The following CYB5D1 variants were observed in gnomAD, a reference collection of about 807,000 sequenced individuals.
CYB5D1 encodes the protein cytochrome b5 domain-containing protein 1.
CYB5D1 carries 30 observed loss-of-function variants against 24.3 expected under a neutral mutation model. That is an observed-to-expected ratio of 1.23 (90% CI 0.92 to 1.67). CYB5D1 has a LOEUF of 1.67. Ranked by LOEUF, CYB5D1 falls within the 40% of genes most tolerant of loss-of-function variation. CYB5D1 has a pLI of 0.00. For synonymous variants in CYB5D1, 128 were observed against 123.2 expected, an observed-to-expected ratio of 1.04 and a Z score of -0.26; for missense variants, 265 against 296.7, an observed-to-expected ratio of 0.89 and a Z score of 0.79.
chr17:7,859,419 G>A lies in CYB5D1; in HGVS notation c.494G>A (p.Arg165His), dbSNP rs755083528. The A allele has an allele frequency of 8.1e-6, 13 of 1,614,096 alleles. No homozygotes were observed. Among genetic ancestry groups the A allele is most frequent in the African/African-American group, 2.7e-5 (2 of 74,996 alleles). ...GAGTCCATATGGGAAATCCTACACCGCTATCTCCCCTATAACTCACATGCT... is the reference window on the plus strand; with the variant it reads ...GAGTCCATATGGGAAATCCTACACCACTATCTCCCCTATAACTCACATGCT... ...VLESIWEILH[R>H]YLPYNSHAAS... Residue 165 changes from arginine to histidine, a missense_variant, in exon 4 of 4, where the codon CGC becomes CAC. Arg to His is a conservative substitution (Grantham distance 29). Coordinates refer to ENST00000332439, the MANE Select transcript of CYB5D1 (RefSeq NM_144607.6).
chr17:7,858,415 T>C lies in CYB5D1; in HGVS notation c.173T>C (p.Leu58Pro). ...LAQEYKGNLL[L>P]KPIVEVAGQD... is the part of the protein sequence containing the mutation. ...TGCTCTTTTCAAGGGAACCTGCTGC[T>C]GAAACCCATCGTGGAAGTTGCAGGC... Residue 58 changes from leucine to proline, a missense_variant, in exon 2 of 4, where the codon CTG (leucine) becomes CCG (proline). Physicochemically the swap from Leu to Pro is moderately conservative, Grantham distance 98 (BLOSUM62 -3). Transcript: ENST00000332439. 1 of 1,614,174 alleles carries C rather than the reference T, an allele frequency of 6.2e-7. No individual in the cohort carries two copies. Among genetic ancestry groups the C allele is most frequent in the Non-Finnish European group, 8.5e-7 (1 of 1,180,040 alleles).
Position 7,859,660 on chromosome 17 carries a change from G to C in CYB5D1, c.*48G>C. 2 of 1,584,030 alleles carry C rather than the reference G, an allele frequency of 1.3e-6. No individual in the cohort carries two copies. Among genetic ancestry groups the C allele is most frequent in the Non-Finnish European group, 1.7e-6 (2 of 1,154,584 alleles). On this transcript the variant is annotated 3_prime_UTR_variant, in exon 4 of 4. Coordinates refer to ENST00000332439, the MANE Select transcript of CYB5D1 (RefSeq NM_144607.6). Reference sequence around the variant, plus strand: ...AGACTCAAGACGTATTTCGAGTTTGGCTTTTTCTGTGCCTTGAGGAAAAGT... The same window carrying C: ...AGACTCAAGACGTATTTCGAGTTTGCCTTTTTCTGTGCCTTGAGGAAAAGT...
In CYB5D1 at chr17:7,858,413, G is replaced by A. The variant is rs1280214539; in HGVS notation, c.171G>A (p.Leu57=). The A allele has an allele frequency of 1.2e-6, 2 of 1,614,166 alleles. No homozygotes were observed. Among genetic ancestry groups the A allele is most frequent in the Admixed American group, 3.3e-5 (2 of 60,030 alleles). The stretch of plus-strand genomic sequence containing the variant: ...GCTGCTCTTTTCAAGGGAACCTGCT[G>A]CTGAAACCCATCGTGGAAGTTGCAG... ...SLAQEYKGNL[L]LKPIVEVAGQ... The change falls in exon 2 of 4, where the codon CTG becomes CTA. Residue 57 remains leucine (L), a synonymous_variant. Coordinates refer to ENST00000332439, the MANE Select transcript of CYB5D1 (RefSeq NM_144607.6).
chr17:7,858,977 T>A (rs973170029), intron 3 of CYB5D1, 153 bp downstream of exon 3: 2 of 679,212 alleles, frequency 2.9e-6, no homozygotes, highest in Non-Finnish European at 4.7e-6. Context: ...AGCACCTAGG[T>A]CCCCAGGGTT....
Position 7,861,508 on chromosome 17 carries a change from C to T in CYB5D1, c.*1896C>T, listed in dbSNP as rs2078882953. 1 of 152,192 alleles carries T rather than the reference C, an allele frequency of 6.6e-6. No individual in the cohort carries two copies. Among genetic ancestry groups the T allele is most frequent in the Non-Finnish European group, 1.5e-5 (1 of 68,032 alleles). 9.4% of individuals were successfully genotyped at this position (152,192 alleles called of 1,614,324 possible). On this transcript the variant is annotated 3_prime_UTR_variant, in exon 4 of 4. Transcript: ENST00000332439. Reference sequence around the variant, plus strand: ...ATTTGAGAATGAAAGCTATGCTGTTCCTCTAGTGCAAGCCTCAGGGCCTGT... The same window carrying T: ...ATTTGAGAATGAAAGCTATGCTGTTTCTCTAGTGCAAGCCTCAGGGCCTGT...
intron 3 of CYB5D1, chr17:7,859,026 G>C: frequency 1.8e-6 from 1 of 570,202 alleles, no homozygotes; most frequent in Non-Finnish European, 3.1e-6. Flanking sequence ...GGGGACAAGA[G>C]ACTCCTTTAT....
Position 7,859,669 on chromosome 17 carries a change from G to C in CYB5D1, c.*57G>C, listed in dbSNP as rs1466397580. 3.2e-6 allele frequency: 5 copies of C among 1,545,600 alleles called. No individual in the cohort carries two copies. In the African/African-American group the frequency reaches 6.8e-5, roughly 21 times the overall value. On this transcript the variant is annotated 3_prime_UTR_variant, in exon 4 of 4. Coordinates refer to ENST00000332439, the MANE Select transcript of CYB5D1 (RefSeq NM_144607.6). The stretch of plus-strand genomic sequence containing the variant: ...ACGTATTTCGAGTTTGGCTTTTTCT[G>C]TGCCTTGAGGAAAAGTGGTGGGGCC...
At chr17:7,858,878 C>A in intron 3 of CYB5D1, 54 bp downstream of exon 3, 1 of 1,449,238 alleles carries the variant, frequency 6.9e-7, no homozygotes, top group Non-Finnish European at 9.2e-7. Context: ...CCCAGCAAAT[C>A]TCCAGGCCGA....
At position 7,859,417 on chromosome 17, in the gene CYB5D1, C is replaced by A; in HGVS notation, c.492C>A (p.His164Gln). The change falls in exon 4 of 4, where the codon CAC (histidine) becomes CAA (glutamine). Residue 164 changes from histidine (H) to glutamine (Q), a missense_variant. Transcript: ENST00000332439. The stretch of plus-strand genomic sequence containing the variant: ...TGGAGTCCATATGGGAAATCCTACA[C>A]CGCTATCTCCCCTATAACTCACATG... ...GVLESIWEIL[H>Q]RYLPYNSHAA... is the part of the protein sequence containing the mutation. The A allele has an allele frequency of 5.0e-6, 8 of 1,614,068 alleles. No individual in the cohort carries two copies. Among genetic ancestry groups the A allele is most frequent in the South Asian group, 1.1e-5 (1 of 91,072 alleles).
intron 3 of CYB5D1, chr17:7,859,118 C>T (rs1362795572): frequency 1.7e-6 from 1 of 573,776 alleles, no homozygotes; most frequent in Non-Finnish European, 3.1e-6. Context: ...AGCAATTGGA[C>T]TTTCTTTTTA....
chr17:7,859,196 T>C (rs1052860352), intron 3 of CYB5D1, 186 bp from the exon 4 acceptor site: 3 of 608,218 alleles, frequency 4.9e-6, no homozygotes, highest in Non-Finnish European at 8.7e-6. Context: ...TAGTTAGAAG[T>C]GGCTGCCATT....
rs1313370198 is a variant in CYB5D1, at chr17:7,858,101, A to T, written c.-34A>T. 1.2e-6 allele frequency: 2 copies of T among 1,611,460 alleles called. No individual in the cohort carries two copies. The highest frequency in any genetic ancestry group is 1.7e-6 in the Non-Finnish European group (2 of 1,179,584). Reference sequence around the variant, plus strand: ...GTACGTGCTGAGGAGCAAAGGAGTAACCAAGAGATCCAGTGACCGACAGAG... The same window carrying T: ...GTACGTGCTGAGGAGCAAAGGAGTATCCAAGAGATCCAGTGACCGACAGAG... On this transcript the variant is annotated 5_prime_UTR_variant, in exon 1 of 4. Coordinates refer to ENST00000332439, the MANE Select transcript of CYB5D1 (RefSeq NM_144607.6).
intron 3 of CYB5D1, 137 bp downstream of exon 3, chr17:7,858,961 A>G (rs948413889): frequency 3.3e-5 from 26 of 785,216 alleles, no homozygotes; most frequent in Admixed American, 2.6e-4. Context: ...CAACTGAGGA[A>G]AGCACAGCAC....
intron 3 of CYB5D1, 157 bp from the exon 4 acceptor site, chr17:7,859,224 AG>A: frequency 3.2e-6 from 2 of 630,096 alleles, no homozygotes; most frequent in South Asian, 3.9e-5. Flanking sequence ...GTAGGACTTT[AG>A]GGTCTGCTCA....
rs373359113 is a variant in CYB5D1, at chr17:7,858,674, C to G, written c.306C>G (p.His102Gln). ...GCACCCCGCGGGGCCGCTTTGTGCA[C>G]GTTCCGCCTCAGCTGCCCTGTTCGG... ...RYCTPRGRFV[H>Q]VPPQLPCSDW... The change falls in exon 3 of 4, where the codon CAC becomes CAG. Residue 102 changes from histidine to glutamine, a missense_variant. Transcript: ENST00000332439. 5.0e-6 allele frequency: 8 copies of G among 1,610,858 alleles called. No homozygotes were observed. In the Admixed American group the frequency reaches 5.0e-5, roughly 10 times the overall value.
intron 3 of CYB5D1, 140 bp downstream of exon 3, chr17:7,858,964 C>A: frequency 2.6e-6 from 2 of 766,944 alleles, no homozygotes; most frequent in Non-Finnish European, 4.0e-6. Context: ...CTGAGGAAAG[C>A]ACAGCACCTA....
chr17:7,858,381 T>C (rs370222052), intron 1 of CYB5D1, 22 bp from the exon 2 acceptor site: 11 of 1,614,112 alleles, frequency 6.8e-6, no homozygotes, highest in East Asian at 2.2e-5. Flanking sequence ...GCATTGACAG[T>C]GGCTGTGCTG....
rs1176867279 is a variant in CYB5D1, at chr17:7,860,132, T to TAC, written c.*521_*522dup. ...AATTCAGGCTAGATATTATACTAGGTACTTCATATACCCTCTTTTTTTTTT... is the reference window on the plus strand; with the variant it reads ...AATTCAGGCTAGATATTATACTAGGTACACTTCATATACCCTCTTTTTTTTTT... On this transcript the variant is annotated 3_prime_UTR_variant, in exon 4 of 4. Coordinates refer to ENST00000332439, the MANE Select transcript of CYB5D1 (RefSeq NM_144607.6). 1 of 158,128 alleles carries TAC rather than the reference T, an allele frequency of 6.3e-6. No homozygotes were observed. Among genetic ancestry groups the TAC allele is most frequent in the African/African-American group, 2.4e-5 (1 of 40,818 alleles). 9.8% of individuals were successfully genotyped at this position (158,128 alleles called of 1,614,324 possible).
At position 7,859,625 on chromosome 17, in the gene CYB5D1, A is replaced by G; in HGVS notation, c.*13A>G. 1 of 1,611,800 alleles carries G rather than the reference A, an allele frequency of 6.2e-7. No individual in the cohort carries two copies. Among genetic ancestry groups the G allele is most frequent in the Non-Finnish European group, 8.5e-7 (1 of 1,177,972 alleles). ...CACGGAGTTGTAGGCAAGGAGATGT[A>G]CACTCGTGTAGACTCAAGACGTATT... is the stretch of plus-strand genomic sequence containing the variant. On this transcript the variant is annotated 3_prime_UTR_variant, in exon 4 of 4. Transcript: ENST00000332439.
Sources: gnomAD v4.1 joint callset for allele counts on GRCh38, gnomAD v4.1.1 for gene constraint, MANE v1.5 for transcripts, NCBI Gene and HGNC (gene_info 2026-07-23, HGNC 2026-07-21) for gene names.